Variants in NRXN3 observed in about 807,000 individuals in gnomAD.
The protein encoded by NRXN3 is neurexin 3.
A neutral mutation model predicts 137.6 loss-of-function variants in NRXN3; 32 were observed. The ratio of observed to expected loss-of-function variants is 0.23; its 90% confidence interval spans 0.18 to 0.31. The LOEUF is 0.31. Ranked by LOEUF, NRXN3 falls within the 10% of genes least tolerant of loss-of-function variation. The pLI is 1.00. For synonymous variants in NRXN3, 798 were observed against 784.5 expected (o/e 1.02, Z -0.29); for missense variants, 1,574 against 2,062.5 (o/e 0.76, Z 4.59).
chr14:78,845,074 G>C (rs1199725513), intron 10 of NRXN3, among the ~76,000 whole-genome samples: 3 of 151,810 alleles, frequency 2.0e-5, no homozygotes, highest in Non-Finnish European at 4.4e-5. Flanking sequence ...AAAAAAAACT[G>C]TTGCAATGAT....
chr14:78,216,459 A>T (rs1338375246), intron 1 of NRXN3, among the ~76,000 whole-genome samples: 4 of 152,008 alleles, frequency 2.6e-5, no homozygotes, highest in Non-Finnish European at 5.9e-5. Context: ...CTGTTTTCCC[A>T]TCTTGTTCTA....
chr14:78,881,478 A>G (rs1211924271), intron 10 of NRXN3, among the ~76,000 whole-genome samples: 1 of 151,592 alleles, frequency 6.6e-6, no homozygotes, highest in Non-Finnish European at 1.5e-5. Context: ...GAGATGAGGA[A>G]CTTGTTGGGA....
At chr14:78,529,552 C>T (rs908304274) in intron 4 of NRXN3, among the ~76,000 whole-genome samples, 1 of 152,222 alleles carries the variant, frequency 6.6e-6, no homozygotes, top group Non-Finnish European at 1.5e-5. Flanking sequence ...TCCTCTTCTA[C>T]CTATCCATAG....
intron 15 of NRXN3, among the ~76,000 whole-genome samples, chr14:79,249,380 C>T (rs1470084993): frequency 6.6e-6 from 1 of 152,080 alleles, no homozygotes; most frequent in Non-Finnish European, 1.5e-5. Flanking sequence ...GGAAAGAAGG[C>T]ATACACAAAA....
chr14:78,565,011 T>C (rs1042210210), intron 4 of NRXN3, among the ~76,000 whole-genome samples: 4 of 152,240 alleles, frequency 2.6e-5, no homozygotes, highest in Non-Finnish European at 4.4e-5. Flanking sequence ...ACTTGGTATA[T>C]ACTATCTTAT....
In NRXN3 at chr14:79,862,123, C is replaced by T. The variant is rs934963311; in HGVS notation, c.*159C>T. Reference sequence around the variant, plus strand: ...GGGGAAAACCGTTTTTTAAAGGACACACACACACACAGCGATGCATCTCTC... The same window carrying T: ...GGGGAAAACCGTTTTTTAAAGGACATACACACACACAGCGATGCATCTCTC... On this transcript the variant is annotated 3_prime_UTR_variant, in exon 21 of 21. Transcript: ENST00000335750. 3.2e-6 allele frequency: 2 copies of T among 620,574 alleles called. No homozygotes were observed. The highest frequency in any genetic ancestry group is 3.0e-5 in the Admixed American group (1 of 33,744). The allele number at this position is 620,574 out of a possible 1,614,324, so 38.4% of individuals were successfully genotyped here. A position where few individuals can be genotyped will look rare whatever the true frequency, so the allele number is the denominator to read the frequency against.
At chr14:79,218,416 A>G (rs1459799699) in intron 15 of NRXN3, among the ~76,000 whole-genome samples, 1 of 152,200 alleles carries the variant, frequency 6.6e-6, no homozygotes, top group African/African-American at 2.4e-5. Context: ...TCTTTTATTC[A>G]GGAAACCTTT....
chr14:79,352,041 T>C (rs2093235248), intron 15 of NRXN3, among the ~76,000 whole-genome samples: 1 of 152,190 alleles, frequency 6.6e-6, no homozygotes, highest in South Asian at 2.1e-4. Context: ...TAGAACAAGT[T>C]AAGCAAGATT....
chr14:78,189,494 C>G (rs1410143066), intron 1 of NRXN3, among the ~76,000 whole-genome samples: 1 of 152,202 alleles, frequency 6.6e-6, no homozygotes, highest in Non-Finnish European at 1.5e-5. Flanking sequence ...TTTGCCTCTT[C>G]TGACTCAGCC....
rs202158185 is a variant in NRXN3, at chr14:78,513,296, TATC to T, written c.758-131814_758-131812del. ...CGATAGGTACTTATTAGATGTTAGC[TATC>T]ATCATCATCTTCATCATAATTTGAT... On this transcript the variant is annotated intron_variant, in intron 4 of 20. Coordinates refer to ENST00000335750, the MANE Select transcript of NRXN3 (RefSeq NM_001330195.2). Among the ~76,000 whole-genome samples, 477 of 152,310 alleles carry T rather than the reference TATC, an allele frequency of 3.1e-3. 8 individuals are homozygous for T. The highest frequency in any genetic ancestry group is 0.011 in the African/African-American group (461 of 41,570).
intron 15 of NRXN3, among the ~76,000 whole-genome samples, chr14:79,423,823 A>G (rs1600095657): frequency 6.6e-6 from 1 of 152,228 alleles, no homozygotes; most frequent in Non-Finnish European, 1.5e-5. Context: ...CTCAGAGGAG[A>G]CACAAACAAA....
chr14:79,590,409 CTTTT>C (rs1274628436), intron 16 of NRXN3, among the ~76,000 whole-genome samples: 141 of 36,816 alleles, frequency 3.8e-3, no homozygotes, highest in African/African-American at 0.029. Context: ...ACCTTTCTTT[CTTTT>C]GTTAAAAAAA....
chr14:79,611,392 G>A (rs956631443), intron 16 of NRXN3: 1 of 152,246 alleles, frequency 6.6e-6, no homozygotes, highest in Non-Finnish European at 1.5e-5. Context: ...AAGGTCAGGA[G>A]ATCAAGACCA....
chr14:79,727,830 T>G (rs1017770447), intron 19 of NRXN3, among the ~76,000 whole-genome samples: 15 of 152,190 alleles, frequency 9.9e-5, no homozygotes, highest in Non-Finnish European at 1.6e-4. Flanking sequence ...TTTTTTCCCC[T>G]TTTTAGAAGG....
At chr14:79,585,762 G>A (rs536948586) in intron 16 of NRXN3, among the ~76,000 whole-genome samples, 2 of 151,894 alleles carry the variant, frequency 1.3e-5, no homozygotes, top group South Asian at 4.2e-4. Flanking sequence ...CCGAATGGGG[G>A]TATAATGTTT....
chr14:79,286,486 G>T (rs2082270952), intron 15 of NRXN3, among the ~76,000 whole-genome samples: 1 of 149,706 alleles, frequency 6.7e-6, no homozygotes, highest in Non-Finnish European at 1.5e-5. Flanking sequence ...GAGGTAAATT[G>T]TCTACTTCAT....
At chr14:78,333,537 T>C (rs1019498620) in intron 4 of NRXN3, among the ~76,000 whole-genome samples, 1 of 152,154 alleles carries the variant, frequency 6.6e-6, no homozygotes, top group Non-Finnish European at 1.5e-5. Context: ...GTAGGTGATA[T>C]GTGCTATAGT....
At chr14:79,534,372 T>G (rs561330831) in intron 16 of NRXN3, among the ~76,000 whole-genome samples, 18 of 152,244 alleles carry the variant, frequency 1.2e-4, no homozygotes, top group African/African-American at 4.1e-4. Context: ...AGACTGATAA[T>G]CCCATCAACT....
At chr14:78,431,290 G>A (rs974101405) in intron 4 of NRXN3, among the ~76,000 whole-genome samples, 4 of 152,130 alleles carry the variant, frequency 2.6e-5, no homozygotes, top group African/African-American at 9.7e-5. Flanking sequence ...TAGGCACTAA[G>A]GGAAACTAAG....
Sources: allele counts gnomAD v4.1 joint callset (sites outside exome capture counted in the v4.1 genomes callset), GRCh38; gene constraint gnomAD v4.1.1; transcripts MANE v1.5; gene names NCBI Gene and HGNC (gene_info 2026-07-23, HGNC 2026-07-21).